Variants in NOS1AP observed in about 807,000 individuals in gnomAD.
NOS1AP encodes the protein nitric oxide synthase 1 adaptor protein.
Under a neutral mutation model 56.2 loss-of-function variants are expected in NOS1AP, and 21 were observed. The observed-to-expected ratio is 0.37, with a 90% CI of 0.26 to 0.54. NOS1AP has a LOEUF of 0.54. Among genes scored for constraint, NOS1AP ranks in the 20% least tolerant of loss-of-function variants. NOS1AP has a pLI of 0.84. For missense variants in NOS1AP, 522 were observed against 657.8 expected (o/e 0.79, Z 2.26); for synonymous variants, 270 against 274.6 (o/e 0.98, Z 0.17).
chr1:162,231,499 T>C (rs1226861884), intron 2 of NOS1AP, among the ~76,000 whole-genome samples: 1 of 152,202 alleles, frequency 6.6e-6, no homozygotes, highest in Admixed American at 6.5e-5. Context: ...AATGTATTTA[T>C]TTATGTTTTT....
intron 2 of NOS1AP, 34 bp from the exon 3 acceptor site, chr1:162,287,309 AT>A (rs1292234236): frequency 6.8e-7 from 1 of 1,465,234 alleles, no homozygotes; most frequent in Non-Finnish European, 9.6e-7. Context: ...ATCTCATCAG[AT>A]TGCACTTTCT....
At chr1:162,320,888 G>A (rs1381302851) in intron 4 of NOS1AP, among the ~76,000 whole-genome samples, 1 of 151,908 alleles carries the variant, frequency 6.6e-6, no homozygotes, top group Non-Finnish European at 1.5e-5. Context: ...AAATAAAAAA[G>A]TAATTGGAAA....
At chr1:162,269,438 T>C (rs1413446640) in intron 2 of NOS1AP, among the ~76,000 whole-genome samples, 1 of 152,216 alleles carries the variant, frequency 6.6e-6, no homozygotes, top group African/African-American at 2.4e-5. Flanking sequence ...ATGGCTGATA[T>C]CTTGGAAATA....
chr1:162,305,337 A>C (rs924081753), intron 4 of NOS1AP, among the ~76,000 whole-genome samples: 1 of 151,500 alleles, frequency 6.6e-6, no homozygotes, highest in Non-Finnish European at 1.5e-5. Context: ...ACATCATGGA[A>C]TCTGAAGAGG....
chr1:162,219,367 T>C (rs1192929117), intron 2 of NOS1AP, among the ~76,000 whole-genome samples: 2 of 152,156 alleles, frequency 1.3e-5, no homozygotes, highest in Non-Finnish European at 2.9e-5. Flanking sequence ...TAGGCTCCTG[T>C]TTCCATCTTC....
At chr1:162,157,815 C>T (rs934908370) in intron 2 of NOS1AP, among the ~76,000 whole-genome samples, 1 of 152,176 alleles carries the variant, frequency 6.6e-6, no homozygotes, top group Non-Finnish European at 1.5e-5. Flanking sequence ...CTGGTGTGTG[C>T]ACTCCTATTC....
intron 2 of NOS1AP, among the ~76,000 whole-genome samples, chr1:162,169,754 T>G (rs1650673186): frequency 6.6e-6 from 1 of 152,174 alleles, no homozygotes; most frequent in Non-Finnish European, 1.5e-5. Flanking sequence ...TCATTGCCTG[T>G]GAATGAAATA....
intron 2 of NOS1AP, among the ~76,000 whole-genome samples, chr1:162,204,974 G>A (rs1467583368): frequency 6.6e-6 from 1 of 152,162 alleles, no homozygotes; most frequent in Non-Finnish European, 1.5e-5. Context: ...AAGATATCCA[G>A]GTTCTCTGCA....
At chr1:162,093,871 A>G (rs1304908059) in intron 1 of NOS1AP, among the ~76,000 whole-genome samples, 3 of 152,294 alleles carry the variant, frequency 2.0e-5, no homozygotes, top group Middle Eastern at 3.4e-3. Context: ...TTACTGAAAA[A>G]AATTAAGCAA....
chr1:162,205,484 A>T (rs1469480951), intron 2 of NOS1AP, among the ~76,000 whole-genome samples: 2 of 152,216 alleles, frequency 1.3e-5, no homozygotes, highest in Admixed American at 1.3e-4. Flanking sequence ...GTGAATGGGG[A>T]TCAAAGAAAG....
At chr1:162,110,694 A>G (rs1436865095) in intron 1 of NOS1AP, among the ~76,000 whole-genome samples, 2 of 152,232 alleles carry the variant, frequency 1.3e-5, no homozygotes, top group South Asian at 2.1e-4. Flanking sequence ...TTCTAGTTCA[A>G]TTTAGTACTC....
In NOS1AP at chr1:162,355,680, G is replaced by GCACACA. The variant is rs4038779; in HGVS notation, c.762+336_762+341dup. On this transcript the variant is annotated intron_variant, in intron 7 of 9. Coordinates refer to ENST00000361897, the MANE Select transcript of NOS1AP (RefSeq NM_014697.3). The stretch of plus-strand genomic sequence containing the variant: ...ACAGTATTTTGCAAGGCTCACTCTG[G>GCACACA]CACACACACACACAGACTCCCCTGT... 7.8e-4 allele frequency among the ~76,000 whole-genome samples: 117 copies of GCACACA among 150,922 alleles called. 1 individual carries two copies. The highest frequency in any genetic ancestry group is 3.6e-3 in the South Asian group (17 of 4,784).
intron 1 of NOS1AP, among the ~76,000 whole-genome samples, chr1:162,102,864 A>G (rs1647340871): frequency 6.6e-6 from 1 of 151,660 alleles, no homozygotes. Context: ...CTATTTTATT[A>G]ATTTTTTCAA....
chr1:162,274,484 C>A (rs1654679644), intron 2 of NOS1AP, among the ~76,000 whole-genome samples: 2 of 152,250 alleles, frequency 1.3e-5, no homozygotes, highest in Non-Finnish European at 2.9e-5. Context: ...TCAGGTGCAT[C>A]TACCATACAG....
intron 3 of NOS1AP, among the ~76,000 whole-genome samples, chr1:162,296,612 A>G (rs2101749323): frequency 6.6e-6 from 1 of 152,274 alleles, no homozygotes; most frequent in East Asian, 1.9e-4. Context: ...GCTCATTCTT[A>G]TTAAATTAAC....
At chr1:162,233,366 A>G (rs1231058142) in intron 2 of NOS1AP, among the ~76,000 whole-genome samples, 1 of 152,152 alleles carries the variant, frequency 6.6e-6, no homozygotes, top group Non-Finnish European at 1.5e-5. Context: ...TGACTCTCCC[A>G]GGAGGGTCAG....
chr1:162,347,724 A>C (rs553963141), intron 6 of NOS1AP, among the ~76,000 whole-genome samples: 221 of 152,290 alleles, frequency 1.5e-3, no homozygotes, highest in Non-Finnish European at 2.0e-3. Flanking sequence ...CTCAGTGGGG[A>C]TTCCATAAGG....
chr1:162,234,331 G>A (rs1653218375), intron 2 of NOS1AP, among the ~76,000 whole-genome samples: 1 of 152,216 alleles, frequency 6.6e-6, no homozygotes, highest in South Asian at 2.1e-4. Context: ...ATCATAGAGT[G>A]CATTGAGGAC....
chr1:162,134,378 T>C (rs1350205239), intron 1 of NOS1AP, among the ~76,000 whole-genome samples: 1 of 149,880 alleles, frequency 6.7e-6, no homozygotes, highest in Non-Finnish European at 1.5e-5. Flanking sequence ...TTCCAGCTAC[T>C]GGGGAGGCTG....
Sources: gnomAD v4.1 joint callset for allele counts (sites outside exome capture counted in the v4.1 genomes callset) on GRCh38, gnomAD v4.1.1 for gene constraint, MANE v1.5 for transcripts, NCBI Gene and HGNC (gene_info 2026-07-23, HGNC 2026-07-21) for gene names.